Variants in CRACR2A observed in about 807,000 individuals in gnomAD.
CRACR2A encodes EF-hand calcium-binding domain-containing protein 4B.
Under a neutral mutation model 90.5 loss-of-function variants are expected in CRACR2A, and 79 were observed. The ratio of observed to expected loss-of-function variants is 0.87; its 90% CI spans 0.73 to 1.05. The LOEUF (loss-of-function observed/expected upper bound fraction) is 1.05, where lower values mean the gene tolerates loss of function less well. Ranked by LOEUF, CRACR2A falls within the 50% of genes least tolerant of loss-of-function variation. CRACR2A has a pLI of 0.00. For missense variants in CRACR2A, 823 were observed against 897.2 expected (o/e 0.92, Z 1.06); for synonymous variants, 338 against 356.7 (o/e 0.95, Z 0.59).
At chr12:3,662,023 T>C (rs1945048012) in intron 7 of CRACR2A, among the ~76,000 whole-genome samples, 1 of 152,160 alleles carries the variant, frequency 6.6e-6, no homozygotes, top group South Asian at 2.1e-4. Context: ...AGCTTGCTGG[T>C]ATGTGAATTA....
chr12:3,675,556 T>C (rs927238375), intron 6 of CRACR2A, among the ~76,000 whole-genome samples: 1 of 152,206 alleles, frequency 6.6e-6, no homozygotes, highest in African/African-American at 2.4e-5. Flanking sequence ...CCAAATATGA[T>C]ATTAAATAAA....
intron 7 of CRACR2A, among the ~76,000 whole-genome samples, chr12:3,667,717 A>C (rs1021615167): frequency 8.5e-5 from 13 of 152,220 alleles, no homozygotes; most frequent in South Asian, 6.2e-4. Flanking sequence ...CTGACAGCTA[A>C]GAAGCTCTCA....
At chr12:3,674,295 C>T (rs1945303781) in intron 6 of CRACR2A, among the ~76,000 whole-genome samples, 1 of 152,274 alleles carries the variant, frequency 6.6e-6, no homozygotes, top group East Asian at 1.9e-4. Flanking sequence ...TGCGCACACA[C>T]AGAAAGACAA....
At position 3,706,988 on chromosome 12, in the gene CRACR2A, G is replaced by A. The variant is rs1002136810; in HGVS notation, c.-37+6249C>T. ...TAATAAAATGAACTAATAAAAGAAC[G>A]AAAAACAAAACAAAACAAAATTACA... On this transcript the variant is annotated intron_variant, in intron 3 of 19. Transcript: ENST00000440314. 2.6e-5 allele frequency among the ~76,000 whole-genome samples: 4 copies of A among 151,950 alleles called. No individual in the cohort carries two copies. The East Asian group carries it at 5.8e-4, about 22-fold the overall frequency.
At chr12:3,644,473 G>T in intron 12 of CRACR2A, 122 bp downstream of exon 12, 4 of 1,049,816 alleles carry the variant, frequency 3.8e-6, no homozygotes, top group Non-Finnish European at 5.7e-6. Context: ...TTTTCATGCC[G>T]TCATCCTGCC....
intron 10 of CRACR2A, among the ~76,000 whole-genome samples, chr12:3,652,590 A>G (rs1194881975): frequency 6.6e-6 from 1 of 152,196 alleles, no homozygotes; most frequent in Non-Finnish European, 1.5e-5. Flanking sequence ...CCAGCAGAGC[A>G]GTTTTATTTA....
chr12:3,718,918 T>C (rs1352837661), intron 2 of CRACR2A, among the ~76,000 whole-genome samples: 1 of 152,144 alleles, frequency 6.6e-6, no homozygotes, highest in Non-Finnish European at 1.5e-5. Flanking sequence ...GAGGTCCTAC[T>C]TGAGCAGACA....
chr12:3,669,405 G>T (rs778381883), intron 7 of CRACR2A, among the ~76,000 whole-genome samples: 2 of 152,182 alleles, frequency 1.3e-5, no homozygotes, highest in Admixed American at 1.3e-4. Context: ...TCATGCTAAA[G>T]TGTGAAGACC....
At chr12:3,621,909 T>C (rs1944150711) in intron 17 of CRACR2A, among the ~76,000 whole-genome samples, 1 of 151,834 alleles carries the variant, frequency 6.6e-6, no homozygotes, top group Non-Finnish European at 1.5e-5. Flanking sequence ...AGAATACCCA[T>C]AAGACCAGGG....
chr12:3,625,385 G>A (rs997565544), intron 17 of CRACR2A, among the ~76,000 whole-genome samples: 3 of 151,654 alleles, frequency 2.0e-5, no homozygotes, highest in African/African-American at 4.9e-5. Flanking sequence ...TAGATCCCAG[G>A]CTCTGTGCAA....
At chr12:3,637,984 A>G in intron 14 of CRACR2A, 140 bp downstream of exon 14, 1 of 791,774 alleles carries the variant, frequency 1.3e-6, no homozygotes, top group Non-Finnish European at 1.9e-6. Context: ...GGAAAGTGGT[A>G]TTTGGAGGAC....
At chr12:3,616,801 C>T (rs4766147) in intron 19 of CRACR2A, among the ~76,000 whole-genome samples, 153 bp downstream of exon 19, 9,699 of 152,276 alleles carry the variant, frequency 0.064, 360 homozygotes, top group Middle Eastern at 0.12. Flanking sequence ...TACAAAGGCC[C>T]AGGACCCCGT....
At chr12:3,675,839 T>C (rs1176409281) in intron 6 of CRACR2A, among the ~76,000 whole-genome samples, 1 of 152,192 alleles carries the variant, frequency 6.6e-6, no homozygotes, top group Non-Finnish European at 1.5e-5. Flanking sequence ...TAAAATCCTT[T>C]GTGCTTGCGT....
At chr12:3,747,837 CCT>C (rs1272242499) in intron 1 of CRACR2A, among the ~76,000 whole-genome samples, 1 of 152,228 alleles carries the variant, frequency 6.6e-6, no homozygotes, top group African/African-American at 2.4e-5. Context: ...TCTCACCTTT[CCT>C]CTAACTAAGC....
intron 11 of CRACR2A, among the ~76,000 whole-genome samples, chr12:3,645,323 T>G (rs1008116965): frequency 6.6e-6 from 1 of 152,190 alleles, no homozygotes; most frequent in Non-Finnish European, 1.5e-5. Flanking sequence ...GGGCAAAGCC[T>G]TGTGCTGGGA....
At chr12:3,642,440 C>A (rs977064958) in intron 12 of CRACR2A, among the ~76,000 whole-genome samples, 1 of 152,142 alleles carries the variant, frequency 6.6e-6, no homozygotes, top group African/African-American at 2.4e-5. Flanking sequence ...GTCTTGAATT[C>A]TTGGCCTTAA....
chr12:3,636,798 G>A (rs1257048881), intron 14 of CRACR2A, among the ~76,000 whole-genome samples: 1 of 152,232 alleles, frequency 6.6e-6, no homozygotes, highest in Non-Finnish European at 1.5e-5. Context: ...GGCCCTTGAG[G>A]AGTGATCTGC....
chr12:3,743,124 C>T (rs970608887), intron 1 of CRACR2A, among the ~76,000 whole-genome samples: 1 of 152,196 alleles, frequency 6.6e-6, no homozygotes, highest in African/African-American at 2.4e-5. Flanking sequence ...CAAATTAGAA[C>T]TTTTCATTCT....
In CRACR2A at chr12:3,657,407, C is replaced by T. The variant is rs143096083; in HGVS notation, c.763-1001G>A. Among the ~76,000 whole-genome samples, 116 of 152,332 alleles carry T rather than the reference C, an allele frequency of 7.6e-4. 1 individual carries two copies. Among genetic ancestry groups the T allele is most frequent in the African/African-American group, 2.8e-3 (115 of 41,590 alleles). ...GGACAGCGTGGGATGCTGCACTAGA[C>T]GGGTGTCCTGGCATGACAGCAGCAG... is the stretch of plus-strand genomic sequence containing the variant. On this transcript the variant is annotated intron_variant, in intron 8 of 19. Transcript: ENST00000440314.
Sources: allele counts gnomAD v4.1 joint callset (sites outside exome capture counted in the v4.1 genomes callset), GRCh38; gene constraint gnomAD v4.1.1; transcripts MANE v1.5; gene names NCBI Gene and HGNC (gene_info 2026-07-23, HGNC 2026-07-21).